Variants in PCDHGB3 observed in about 807,000 individuals in gnomAD.
The protein encoded by PCDHGB3 is protocadherin gamma subfamily B, 3, also known as protocadherin gamma-B3.
A neutral mutation model predicts 59.2 loss-of-function variants in PCDHGB3; 40 were observed. That is an observed-to-expected ratio of 0.68 (90% CI 0.52 to 0.88). PCDHGB3 has a LOEUF of 0.88. PCDHGB3 is among the 40% of genes least tolerant of loss of function. PCDHGB3 has a pLI of 0.00. For missense variants in PCDHGB3, 1,309 were observed against 1,187.9 expected (o/e 1.10, Z -1.50); for synonymous variants, 581 against 503.6 (o/e 1.15, Z -2.06).
chr5:141,438,526 G>A (rs188552043), intron 1 of PCDHGB3, among the ~76,000 whole-genome samples: 11 of 143,330 alleles, frequency 7.7e-5, no homozygotes, highest in Non-Finnish European at 1.5e-4. Flanking sequence ...ATTTTACATG[G>A]ACTTTTCCTC....
In PCDHGB3 at chr5:141,432,596, G is replaced by T; in HGVS notation, c.2415+59787G>T. On this transcript the variant is annotated intron_variant, in intron 1 of 3. Transcript: ENST00000576222. This position sits in a 1 kb window ranked among gnomAD's most constrained non-coding sequence, Gnocchi z 6.0. The stretch of plus-strand genomic sequence containing the variant: ...GTCCTACCGTCTGCTCAAGGCCAGC[G>T]AGCCGGGACTCTTCTCGGTGGGTCT... 6.8e-6 allele frequency: 11 copies of T among 1,613,926 alleles called. No individual in the cohort carries two copies. The highest frequency in any genetic ancestry group is 9.3e-6 in the Non-Finnish European group (11 of 1,179,972).
intron 1 of PCDHGB3, chr5:141,383,587 G>A (rs1054174619): frequency 3.1e-6 from 5 of 1,613,564 alleles, no homozygotes; most frequent in African/African-American, 1.3e-5. Context: ...CCACATCCAG[G>A]TGACAGTGGT....
Position 141,370,705 on chromosome 5 carries a change from T to C in PCDHGB3, c.311T>C (p.Leu104Pro), listed in dbSNP as rs766733768. ...EICGKKSTCV[L>P]EFEMVAEKPL... ...TGTGGCAAGAAGTCGACGTGTGTTC[T>C]GGAATTTGAAATGGTTGCTGAAAAG... Residue 104 changes from leucine to proline, a missense_variant, in exon 1 of 4, where the codon CTG becomes CCG. Physicochemically the swap from Leu to Pro is moderately conservative, Grantham distance 98. Transcript: ENST00000576222. The C allele has an allele frequency of 5.0e-6, 8 of 1,613,842 alleles. No individual in the cohort carries two copies. Among genetic ancestry groups the C allele is most frequent in the Non-Finnish European group, 6.8e-6 (8 of 1,179,894 alleles).
intron 1 of PCDHGB3, chr5:141,391,083 G>C (rs974357992): frequency 1.3e-5 from 2 of 152,152 alleles, no homozygotes; most frequent in Non-Finnish European, 2.9e-5. Flanking sequence ...ATGTGTAACT[G>C]CCTTATCTGC....
intron 1 of PCDHGB3, chr5:141,376,614 T>C: frequency 6.9e-7 from 1 of 1,446,670 alleles, no homozygotes; most frequent in African/African-American, 1.4e-5. Flanking sequence ...CGAACCTCTT[T>C]TGGTACAGGA....
At chr5:141,460,926 G>A (rs1180507724) in intron 1 of PCDHGB3, among the ~76,000 whole-genome samples, 4 of 145,540 alleles carry the variant, frequency 2.7e-5, no homozygotes, top group African/African-American at 2.6e-5. Flanking sequence ...ATATATATAT[G>A]TGTGTGTGTA....
At chr5:141,500,215 T>G (rs888740312) in intron 2 of PCDHGB3, among the ~76,000 whole-genome samples, 8 of 150,660 alleles carry the variant, frequency 5.3e-5, no homozygotes, top group African/African-American at 1.9e-4. Context: ...TTTATTTATT[T>G]ATTTATTTAT....
chr5:141,381,817 TTTC>T (rs1262770842), intron 1 of PCDHGB3, among the ~76,000 whole-genome samples: 8 of 136,196 alleles, frequency 5.9e-5, no homozygotes, highest in African/African-American at 2.1e-4. Context: ...TCTTTCTTTC[TTTC>T]TTCTTCTTTT....
Position 141,485,738 on chromosome 5 carries a change from A to G in PCDHGB3, c.2416-9069A>G, listed in dbSNP as rs1443978038. Reference sequence around the variant, plus strand: ...GGATGTGAAGAAGCGCAGCGACGGCAGCCTGGTCCCAGAGCTGCTCCTGGA... The same window carrying G: ...GGATGTGAAGAAGCGCAGCGACGGCGGCCTGGTCCCAGAGCTGCTCCTGGA... On this transcript the variant is annotated intron_variant, in intron 1 of 3. Transcript: ENST00000576222. This position sits in a 1 kb window ranked among gnomAD's most constrained non-coding sequence, Gnocchi z 5.7. 1 of 1,614,230 alleles carries G rather than the reference A, an allele frequency of 6.2e-7. No individual in the cohort carries two copies.
At chr5:141,389,424 G>C (rs746873845) in intron 1 of PCDHGB3, 1 of 1,613,390 alleles carries the variant, frequency 6.2e-7, no homozygotes, top group African/African-American at 1.3e-5. Flanking sequence ...GGTGGTGTTC[G>C]CGCAGCGCGC....
chr5:141,509,785 C>T (rs1445220885), intron 3 of PCDHGB3, among the ~76,000 whole-genome samples: 1 of 152,166 alleles, frequency 6.6e-6, no homozygotes, highest in African/African-American at 2.4e-5. Context: ...CCGAGATCAT[C>T]ATCTCCTCAG....
chr5:141,431,768 G>T lies in PCDHGB3; in HGVS notation c.2415+58959G>T. 6.2e-7 allele frequency: 1 copy of T among 1,614,218 alleles called. No individual in the cohort carries two copies. The highest frequency in any genetic ancestry group is 8.5e-7 in the Non-Finnish European group (1 of 1,180,036). On this transcript the variant is annotated intron_variant, in intron 1 of 3. Coordinates refer to ENST00000576222, the MANE Select transcript of PCDHGB3 (RefSeq NM_018924.5). The surrounding 1 kb of genome is among the most constrained non-coding windows in gnomAD (Gnocchi z 4.8). ...TGCGCGAGCCAAAGTCCTGATCACT[G>T]TTCTGGACGTGAACGACAATGCCCC...
intron 1 of PCDHGB3, among the ~76,000 whole-genome samples, chr5:141,460,709 A>G (rs2098995845): frequency 6.6e-6 from 1 of 151,794 alleles, no homozygotes; most frequent in Non-Finnish European, 1.5e-5. Flanking sequence ...ATGAGAATAA[A>G]CTATTGTTAT....
intron 1 of PCDHGB3, among the ~76,000 whole-genome samples, chr5:141,373,124 C>T (rs933714666): frequency 6.6e-6 from 1 of 152,188 alleles, no homozygotes; most frequent in African/African-American, 2.4e-5. Flanking sequence ...GAATTAGACC[C>T]AAATCCTCAC....
At position 141,477,369 on chromosome 5, in the gene PCDHGB3, A is replaced by G; in HGVS notation, c.2416-17438A>G. The G allele has an allele frequency of 6.2e-7, 1 of 1,614,164 alleles. No individual in the cohort carries two copies. Among genetic ancestry groups the G allele is most frequent in the Non-Finnish European group, 8.5e-7 (1 of 1,180,026 alleles). ...AAAACCAGTGCAGACCTGGATCGGG[A>G]GACTGTGCCAGAATACAACCTCAGC... On this transcript the variant is annotated intron_variant, in intron 1 of 3. Transcript: ENST00000576222. The surrounding 1 kb of genome is among the most constrained non-coding windows in gnomAD (Gnocchi z 4.9).
chr5:141,374,602 T>C, intron 1 of PCDHGB3: 2 of 1,613,652 alleles, frequency 1.2e-6, no homozygotes, highest in Non-Finnish European at 1.7e-6. Flanking sequence ...TTAAGCTCAG[T>C]GGTAATAGTC....
intron 1 of PCDHGB3, among the ~76,000 whole-genome samples, chr5:141,482,794 G>A (rs374042779): frequency 6.2e-5 from 8 of 129,246 alleles, no homozygotes; most frequent in Non-Finnish European, 8.1e-5. Flanking sequence ...GTGTGTGGCC[G>A]GGTACGGTGG....
chr5:141,376,073 G>A (rs767716077), intron 1 of PCDHGB3: 1 of 1,613,508 alleles, frequency 6.2e-7, no homozygotes, highest in Non-Finnish European at 8.5e-7. Context: ...CACCGTGGCC[G>A]TGGCCGACAG....
At chr5:141,405,256 G>GATGTGATGCTCT (rs1316160577) in intron 1 of PCDHGB3, 2 of 1,614,050 alleles carry the variant, frequency 1.2e-6, no homozygotes, top group Non-Finnish European at 1.7e-6. Flanking sequence ...AGAGTCACCT[G>GATGTGATGCTCT]ATCTTCCCCC....
Sources: gnomAD v4.1 joint callset for allele counts (sites outside exome capture counted in the v4.1 genomes callset) on GRCh38, gnomAD v4.1.1 for gene constraint, Gnocchi (gnomAD v3.1) non-coding constraint, MANE v1.5 for transcripts, NCBI Gene and HGNC (gene_info 2026-07-23, HGNC 2026-07-21) for gene names.